The following C1QTNF3 variants were observed in gnomAD, a reference collection of about 807,000 sequenced individuals.
C1QTNF3 encodes complement C1q tumor necrosis factor-related protein 3.
In C1QTNF3, 26 loss-of-function variants were observed where a neutral mutation model predicts 32.6. That is an observed-to-expected ratio of 0.80 (90% CI 0.58 to 1.11). The LOEUF (loss-of-function observed/expected upper bound fraction) is 1.11. Among genes scored for constraint, C1QTNF3 ranks in the 50% least tolerant of loss-of-function variants. The pLI is 0.00. For missense variants in C1QTNF3, 362 were observed against 398.2 expected (o/e 0.91, Z 0.77); for synonymous variants, 155 against 146.0 (o/e 1.06, Z -0.44).
upstream of C1QTNF3, among the ~76,000 whole-genome samples, chr5:34,045,715 C>G (rs1285415583): frequency 6.6e-6 from 1 of 151,906 alleles, no homozygotes; most frequent in Admixed American, 6.6e-5. Flanking sequence ...GAGAAGGATT[C>G]TGCAAAGAAG....
intron 1 of C1QTNF3, among the ~76,000 whole-genome samples, chr5:34,040,564 A>G (rs954855366): frequency 2.6e-5 from 4 of 151,940 alleles, no homozygotes; most frequent in African/African-American, 9.7e-5. Flanking sequence ...TGGCCATTGT[A>G]CTCCACCATG....
the C1QTNF3 span, among the ~76,000 whole-genome samples, chr5:34,223,723 G>C: frequency 1.3e-5 from 2 of 152,130 alleles, no homozygotes; most frequent in Non-Finnish European, 2.9e-5. Flanking sequence ...TAACTGGTGT[G>C]AGATGGTATC....
At chr5:34,116,143 CT>C in the C1QTNF3 span, among the ~76,000 whole-genome samples, 8 of 152,154 alleles carry the variant, frequency 5.3e-5, no homozygotes, top group African/African-American at 1.9e-4. Flanking sequence ...ATTTAAGAAT[CT>C]GTTGTTTGAT....
chr5:34,069,423 G>T, the C1QTNF3 span, among the ~76,000 whole-genome samples: 1 of 151,958 alleles, frequency 6.6e-6, no homozygotes, highest in East Asian at 1.9e-4. Context: ...TCTACTTTTT[G>T]TGCTATACTA....
rs1754241271 is a variant in C1QTNF3 at position 34,018,193 on chromosome 5, TA to T, written c.*2389del. Among the ~76,000 whole-genome samples, 1 of 151,952 alleles carries T rather than the reference TA, an allele frequency of 6.6e-6. No individual in the cohort carries two copies. The highest frequency in any genetic ancestry group is 2.4e-5 in the African/African-American group (1 of 41,430). ...TAATATTTGATGGGATGATTAATTT[TA>T]TACTAAATATTTTGGGGAATTTTAT... On this transcript the variant is annotated 3_prime_UTR_variant, in exon 6 of 6. Transcript: ENST00000382065.
the C1QTNF3 span, chr5:34,175,909 G>A: frequency 4.9e-6 from 4 of 818,184 alleles, no homozygotes; most frequent in South Asian, 1.3e-5. Context: ...AGATGGTACT[G>A]CTCTAGCAGA....
At chr5:34,237,092 A>T in the C1QTNF3 span, among the ~76,000 whole-genome samples, 1 of 152,210 alleles carries the variant, frequency 6.6e-6, no homozygotes, top group Non-Finnish European at 1.5e-5. Context: ...GAATGATTGA[A>T]GGTTATTAGA....
the C1QTNF3 span, among the ~76,000 whole-genome samples, chr5:34,055,304 G>A: frequency 2.0e-5 from 3 of 152,198 alleles, no homozygotes; most frequent in Non-Finnish European, 4.4e-5. Context: ...CCACATGGTA[G>A]AAAGAAGGGG....
At chr5:34,111,228 A>G in the C1QTNF3 span, among the ~76,000 whole-genome samples, 2 of 151,946 alleles carry the variant, frequency 1.3e-5, no homozygotes, top group Admixed American at 6.6e-5. Context: ...AAATCTTTTG[A>G]GCAGCAGGGT....
chr5:34,219,770 T>C, the C1QTNF3 span: 1 of 152,268 alleles, frequency 6.6e-6, no homozygotes, highest in Non-Finnish European at 1.5e-5. Context: ...TTCCCATGCC[T>C]AGTCAGGCAA....
the C1QTNF3 span, among the ~76,000 whole-genome samples, chr5:34,170,564 T>C: frequency 6.6e-6 from 1 of 152,152 alleles, no homozygotes; most frequent in East Asian, 1.9e-4. Flanking sequence ...CTCATTAAAG[T>C]ATACAAGTTA....
At chr5:34,177,836 T>G in the C1QTNF3 span, among the ~76,000 whole-genome samples, 4 of 151,938 alleles carry the variant, frequency 2.6e-5, no homozygotes, top group Non-Finnish European at 5.9e-5. Flanking sequence ...TTGTGCAGAC[T>G]GGTCTCAAAC....
At chr5:34,086,122 A>G in the C1QTNF3 span, among the ~76,000 whole-genome samples, 40 of 150,814 alleles carry the variant, frequency 2.7e-4, no homozygotes, top group Admixed American at 2.4e-3. Context: ...AAAAAGATTG[A>G]GTTCATATCC....
chr5:34,194,121 G>A, the C1QTNF3 span, among the ~76,000 whole-genome samples: 1 of 152,158 alleles, frequency 6.6e-6, no homozygotes, highest in Admixed American at 6.6e-5. Flanking sequence ...GCAATTATAT[G>A]ACTCAAGCAT....
chr5:34,022,941 C>T (rs955525987), intron 5 of C1QTNF3, among the ~76,000 whole-genome samples: 7 of 152,152 alleles, frequency 4.6e-5, no homozygotes, highest in African/African-American at 1.4e-4. Flanking sequence ...CTGCAAGTTC[C>T]GCCTCCTGGG....
At chr5:34,135,232 T>C in the C1QTNF3 span, among the ~76,000 whole-genome samples, 1 of 152,204 alleles carries the variant, frequency 6.6e-6, no homozygotes, top group African/African-American at 2.4e-5. Flanking sequence ...TTGATTTGTG[T>C]ATGTTGAACC....
chr5:34,025,619 T>C (rs1034435014), intron 4 of C1QTNF3, among the ~76,000 whole-genome samples: 8 of 152,228 alleles, frequency 5.3e-5, no homozygotes, highest in African/African-American at 9.6e-5. Context: ...CAAAATGGTC[T>C]TTTTGCAATC....
the C1QTNF3 span, among the ~76,000 whole-genome samples, chr5:34,060,954 T>C: frequency 1.3e-5 from 2 of 152,130 alleles, no homozygotes; most frequent in Non-Finnish European, 2.9e-5. Flanking sequence ...AACTCAAAAA[T>C]CCACAGTCCA....
At chr5:34,160,995 G>A in the C1QTNF3 span, among the ~76,000 whole-genome samples, 7 of 152,148 alleles carry the variant, frequency 4.6e-5, no homozygotes, top group Admixed American at 2.0e-4. Flanking sequence ...TAGAAGTAGA[G>A]TTTAAGACAG....
Sources: gnomAD v4.1 joint callset for allele counts (sites outside exome capture counted in the v4.1 genomes callset) on GRCh38, gnomAD v4.1.1 for gene constraint, MANE v1.5 for transcripts, NCBI Gene and HGNC (gene_info 2026-07-23, HGNC 2026-07-21) for gene names.